SPTBN1: variants seen among roughly 807,000 people sequenced by gnomAD.
The protein encoded by SPTBN1 is spectrin beta, non-erythrocytic 1.
A neutral mutation model predicts 266.4 loss-of-function variants in SPTBN1; 32 were observed. The observed-to-expected ratio is 0.12, with a 90% CI of 0.09 to 0.16. The LOEUF is 0.16. Among genes scored for constraint, SPTBN1 ranks in the 10% least tolerant of loss-of-function variants. The pLI is 1.00. For missense variants in SPTBN1, 2,296 were observed against 3,067.1 expected (o/e 0.75, Z 5.94); for synonymous variants, 1,336 against 1,162.2 (o/e 1.15, Z -3.04).
intron 1 of SPTBN1, among the ~76,000 whole-genome samples, chr2:54,499,001 AGCTGGCT>A (rs1050642823): frequency 6.6e-6 from 1 of 152,118 alleles, no homozygotes; most frequent in Non-Finnish European, 1.5e-5. Flanking sequence ...GCTCCTAGTC[AGCTGGCT>A]GGGACTTCAC....
At chr2:54,520,178 TG>T (rs1366678291) in intron 1 of SPTBN1, among the ~76,000 whole-genome samples, 1 of 152,206 alleles carries the variant, frequency 6.6e-6, no homozygotes, top group Non-Finnish European at 1.5e-5. Flanking sequence ...AACAAAAACC[TG>T]CAAGTTTATC....
chr2:54,500,875 C>T (rs1228845948), intron 1 of SPTBN1, among the ~76,000 whole-genome samples: 1 of 152,170 alleles, frequency 6.6e-6, no homozygotes, highest in East Asian at 1.9e-4. Context: ...TCACTCATAC[C>T]TGAGCCAGCA....
intron 1 of SPTBN1, among the ~76,000 whole-genome samples, chr2:54,486,835 A>G (rs1411237036): frequency 6.6e-6 from 1 of 152,158 alleles, no homozygotes; most frequent in Admixed American, 6.5e-5. Context: ...GATTTAGAAG[A>G]CACAGGAGGA....
chr2:54,661,047 GCCC>G, intron 32 of SPTBN1: 1 of 985,388 alleles, frequency 1.0e-6, no homozygotes, highest in Non-Finnish European at 1.2e-6. Context: ...GCGCTCGCAT[GCCC>G]CCTGGCTTCA....
intron 2 of SPTBN1, among the ~76,000 whole-genome samples, chr2:54,561,485 C>T (rs755990012): frequency 1.3e-5 from 2 of 152,036 alleles, no homozygotes; most frequent in African/African-American, 4.8e-5. Flanking sequence ...TTGTCTGTGC[C>T]TGATAGTGCT....
intron 11 of SPTBN1, among the ~76,000 whole-genome samples, chr2:54,625,281 G>A (rs929175922): frequency 6.6e-6 from 1 of 152,204 alleles, no homozygotes; most frequent in East Asian, 1.9e-4. Context: ...CTAATCCTAC[G>A]AGGCAGTTAG....
At chr2:54,635,384 C>T (rs1443227946) in intron 17 of SPTBN1, among the ~76,000 whole-genome samples, 2 of 152,226 alleles carry the variant, frequency 1.3e-5, no homozygotes, top group African/African-American at 2.4e-5. Context: ...CTGTGTTTCA[C>T]ACCACACGAA....
At chr2:54,627,246 A>G (rs543936028) in intron 12 of SPTBN1, among the ~76,000 whole-genome samples, 17 of 152,272 alleles carry the variant, frequency 1.1e-4, no homozygotes, top group African/African-American at 3.9e-4. Context: ...ACCTCTCAAA[A>G]TAGAAATGTT....
chr2:54,526,105 C>G (rs2104321978), intron 1 of SPTBN1, among the ~76,000 whole-genome samples: 2 of 152,312 alleles, frequency 1.3e-5, no homozygotes, highest in Middle Eastern at 6.8e-3. Flanking sequence ...TGGGGGTATC[C>G]ATCATCTCAT....
intron 1 of SPTBN1, among the ~76,000 whole-genome samples, chr2:54,486,222 C>G (rs1178353607): frequency 1.3e-5 from 2 of 151,978 alleles, no homozygotes; most frequent in Non-Finnish European, 1.5e-5. Flanking sequence ...GGGAGGTGTA[C>G]CCAACAGCTC....
chr2:54,581,663 C>T (rs1195781936), intron 2 of SPTBN1, among the ~76,000 whole-genome samples: 2 of 131,702 alleles, frequency 1.5e-5, no homozygotes, highest in African/African-American at 5.7e-5. Flanking sequence ...TTTAAGAAAA[C>T]TGTCCCAAAC....
intron 18 of SPTBN1, 84 bp from the exon 19 acceptor site, chr2:54,642,899 A>G (rs1679670826): frequency 4.6e-6 from 7 of 1,511,124 alleles, no homozygotes; most frequent in Admixed American, 2.0e-5. Flanking sequence ...TATGCATAAT[A>G]TGACATAAAC....
chr2:54,645,530 C>G lies in SPTBN1; in HGVS notation c.4494+77C>G, dbSNP rs564057716. ...TGCTAAAGCCCACATTCTCACTTCTCAGTCATCCTCACCTTGGGCCACGTT... is the reference window on the plus strand; with the variant it reads ...TGCTAAAGCCCACATTCTCACTTCTGAGTCATCCTCACCTTGGGCCACGTT... On this transcript the variant is annotated intron_variant, in intron 21 of 35. Coordinates refer to ENST00000356805, the MANE Select transcript of SPTBN1 (RefSeq NM_003128.3). This position sits in a 1 kb window ranked among gnomAD's most constrained non-coding sequence, Gnocchi z 4.3. The G allele has an allele frequency of 2.7e-6, 4 of 1,476,452 alleles. No individual in the cohort carries two copies. In the South Asian group the frequency reaches 5.0e-5, roughly 18 times the overall value. The allele number at this position is 1,476,452 out of a possible 1,614,324, so 91.5% of individuals were successfully genotyped here. A position where few individuals can be genotyped will look rare whatever the true frequency, so the allele number is the denominator to read the frequency against.
rs748437400 is a variant in SPTBN1 at position 54,617,713 on chromosome 2, C to T, written c.647+25C>T. On this transcript the variant is annotated intron_variant, in intron 6 of 35. Coordinates refer to ENST00000356805, the MANE Select transcript of SPTBN1 (RefSeq NM_003128.3). ...GGTAAGTCCATACAAATCATCCTAG[C>T]AATCGTGGGGTAAAAGGTTGCTGTC... 23 of 1,609,944 alleles carry T rather than the reference C, an allele frequency of 1.4e-5. 1 individual carries two copies. Among genetic ancestry groups the T allele is most frequent in the Non-Finnish European group, 2.0e-5 (23 of 1,176,746 alleles).
intron 2 of SPTBN1, among the ~76,000 whole-genome samples, chr2:54,569,752 G>A (rs1673925691): frequency 6.6e-6 from 1 of 152,160 alleles, no homozygotes; most frequent in Admixed American, 6.5e-5. Context: ...GAGATTCTGT[G>A]TGGAAACTGT....
In SPTBN1 at chr2:54,612,449, T is replaced by C. The variant is rs1677279151; in HGVS notation, c.474+115T>C. On this transcript the variant is annotated intron_variant, in intron 4 of 35. Transcript: ENST00000356805. The stretch of plus-strand genomic sequence containing the variant: ...GATCGGGAAGACCAGGTTGAAAGCA[T>C]GTCTCAGAGTCATGTGTGTCATATC... The C allele has an allele frequency of 4.1e-6, 5 of 1,222,310 alleles. No individual in the cohort carries two copies. The South Asian group carries it at 5.2e-5, about 13-fold the overall frequency. The allele number at this position is 1,222,310 out of a possible 1,614,324, so 75.7% of individuals were successfully genotyped here. A position where few individuals can be genotyped will look rare whatever the true frequency, so the allele number is the denominator to read the frequency against.
intron 4 of SPTBN1, among the ~76,000 whole-genome samples, chr2:54,615,333 C>G (rs1337695339): frequency 6.6e-6 from 1 of 152,178 alleles, no homozygotes; most frequent in African/African-American, 2.4e-5. Context: ...ATGGCTACAG[C>G]TGGAGGCAAT....
intron 1 of SPTBN1, among the ~76,000 whole-genome samples, chr2:54,472,022 GT>G (rs768988675): frequency 9.3e-4 from 62 of 66,798 alleles, no homozygotes; most frequent in East Asian, 8.7e-3. Context: ...CCCTGAAGAT[GT>G]TTTTTTTTTT....
intron 30 of SPTBN1, 110 bp from the exon 31 acceptor site, chr2:54,659,044 G>T (rs1485924292): frequency 9.4e-7 from 1 of 1,062,792 alleles, no homozygotes. Context: ...CTTGTCCAGT[G>T]TGGTCCAGTT....
Sources: gnomAD v4.1 joint callset for allele counts (sites outside exome capture counted in the v4.1 genomes callset) on GRCh38, gnomAD v4.1.1 for gene constraint, Gnocchi (gnomAD v3.1) non-coding constraint, MANE v1.5 for transcripts, NCBI Gene and HGNC (gene_info 2026-07-23, HGNC 2026-07-21) for gene names.